The following TDG variants were observed in gnomAD, a reference collection of about 807,000 sequenced individuals.
TDG encodes the protein G/T mismatch-specific thymine DNA glycosylase.
Under a neutral mutation model 46.1 loss-of-function variants are expected in TDG, and 23 were observed. That is an observed-to-expected ratio of 0.50 (90% CI 0.36 to 0.71). The LOEUF (loss-of-function observed/expected upper bound fraction) is 0.71. Ranked by LOEUF, TDG falls within the 30% of genes least tolerant of loss-of-function variation. TDG has a pLI of 0.00. For missense variants in TDG, 304 were observed against 486.7 expected, an observed-to-expected ratio of 0.62 and a Z score of 3.53; for synonymous variants, 115 against 161.3, an observed-to-expected ratio of 0.71 and a Z score of 2.18.
chr12:103,981,120 A>T (rs1468007769), intron 4 of TDG, among the ~76,000 whole-genome samples, 158 bp downstream of exon 4: 1 of 151,494 alleles, frequency 6.6e-6, no homozygotes, highest in Non-Finnish European at 1.5e-5. Flanking sequence ...AAAATAAGAG[A>T]GTTTGAAATG....
At chr12:103,983,445 A>T in intron 7 of TDG, 56 bp downstream of exon 7, 1 of 1,325,170 alleles carries the variant, frequency 7.5e-7, no homozygotes, top group South Asian at 1.4e-5. Context: ...TTTTCTAGAT[A>T]ATTTCCTTAT....
At chr12:103,972,709 T>C (rs1180284782) in intron 1 of TDG, among the ~76,000 whole-genome samples, 1 of 152,230 alleles carries the variant, frequency 6.6e-6, no homozygotes, top group Non-Finnish European at 1.5e-5. Context: ...TTCATTATTA[T>C]AGATAAGTTT....
At chr12:103,969,060 G>T (rs1441051386) in intron 1 of TDG, among the ~76,000 whole-genome samples, 1 of 152,212 alleles carries the variant, frequency 6.6e-6, no homozygotes, top group African/African-American at 2.4e-5. Context: ...TACTAGACAG[G>T]CAGCATCAGA....
chr12:103,977,078 G>C lies in TDG; in HGVS notation c.166+18G>C. 1 of 1,588,930 alleles carries C rather than the reference G, an allele frequency of 6.3e-7. No individual in the cohort carries two copies. The highest frequency in any genetic ancestry group is 8.5e-7 in the Non-Finnish European group (1 of 1,171,030). ...AGTGCAAGGTAGTTTCACCATGAGA[G>C]CTTAGAAAGTTCAACATCGGATCAG... On this transcript the variant is annotated intron_variant, in intron 2 of 9. Coordinates refer to ENST00000392872, the MANE Select transcript of TDG (RefSeq NM_003211.6).
At chr12:103,972,325 G>A (rs1248451487) in intron 1 of TDG, among the ~76,000 whole-genome samples, 2 of 152,132 alleles carry the variant, frequency 1.3e-5, no homozygotes, top group African/African-American at 2.4e-5. Flanking sequence ...CACCATGTTG[G>A]CCAGGCCGGT....
chr12:103,968,520 CA>C (rs1237665089), intron 1 of TDG, among the ~76,000 whole-genome samples: 7 of 152,190 alleles, frequency 4.6e-5, no homozygotes, highest in Admixed American at 6.5e-5. Context: ...TTGGATTTTA[CA>C]TCTCCTATGT....
chr12:103,985,033 G>A (rs528255694), intron 8 of TDG, 113 bp downstream of exon 8: 6 of 680,250 alleles, frequency 8.8e-6, no homozygotes, highest in African/African-American at 8.2e-5. Context: ...ACATATGTGT[G>A]CACATATATG....
chr12:103,983,910 A>C (rs141080053), intron 7 of TDG, among the ~76,000 whole-genome samples: 2 of 152,308 alleles, frequency 1.3e-5, no homozygotes, highest in Middle Eastern at 3.4e-3. Flanking sequence ...GTGTTTTTCA[A>C]ATTGTCCTCT....
rs776180619 is a variant in TDG, at chr12:103,987,068, A to G, written c.1211A>G (p.Gln404Arg). ...SFSNHCGTQE[Q>R]EEESHA ...AGTAATCACTGTGGAACACAAGAACAGGAAGAAGAAAGCCATGCTTAAGAA... is the reference window on the plus strand; with the variant it reads ...AGTAATCACTGTGGAACACAAGAACGGGAAGAAGAAAGCCATGCTTAAGAA... Residue 404 changes from glutamine to arginine, a missense_variant, in exon 10 of 10, where the codon CAG becomes CGG. Physicochemically the swap from Gln to Arg is conservative, Grantham distance 43. Transcript: ENST00000392872. The G allele has an allele frequency of 4.3e-6, 7 of 1,613,916 alleles. No individual in the cohort carries two copies. In the African/African-American group the frequency reaches 5.3e-5, roughly 12 times the overall value.
intron 1 of TDG, among the ~76,000 whole-genome samples, chr12:103,968,631 A>G (rs1871164336): frequency 6.6e-6 from 1 of 152,212 alleles, no homozygotes; most frequent in Non-Finnish European, 1.5e-5. Context: ...CAGGTGTTCT[A>G]ACAGAATCAT....
chr12:103,972,981 C>T, intron 1 of TDG: 3 of 699,822 alleles, frequency 4.3e-6, no homozygotes, highest in Non-Finnish European at 7.8e-6. Context: ...ATGAAGTGCT[C>T]AAAATGGGAC....
intron 9 of TDG, among the ~76,000 whole-genome samples, chr12:103,986,058 T>A (rs1180313845): frequency 6.6e-6 from 1 of 152,116 alleles, no homozygotes; most frequent in African/African-American, 2.4e-5. Flanking sequence ...TAGCTGGGAC[T>A]ACAGGCATCC....
chr12:103,988,824 G>GA lies in TDG; in HGVS notation c.*1737dup, dbSNP rs1872351480. The GA allele has an allele frequency of 6.6e-6, 1 of 152,072 alleles. No homozygotes were observed. Among genetic ancestry groups the GA allele is most frequent in the Admixed American group, 6.5e-5 (1 of 15,272 alleles). The allele number at this position is 152,072 out of a possible 1,614,324, so 9.4% of individuals were successfully genotyped here. A position where few individuals can be genotyped will look rare whatever the true frequency, so the allele number is the denominator to read the frequency against. On this transcript the variant is annotated 3_prime_UTR_variant, in exon 10 of 10. Coordinates refer to ENST00000392872, the MANE Select transcript of TDG (RefSeq NM_003211.6). Reference sequence around the variant, plus strand: ...TATTGAAAGATTTTAAAATTCATTTGAAAGTCTGATGGCTTTTACAATAAA... The same window carrying GA: ...TATTGAAAGATTTTAAAATTCATTTGAAAAGTCTGATGGCTTTTACAATAAA...
At chr12:103,980,171 T>C (rs764283581) in intron 3 of TDG, 99 bp downstream of exon 3, 4 of 1,524,176 alleles carry the variant, frequency 2.6e-6, no homozygotes, top group Non-Finnish European at 3.6e-6. Flanking sequence ...AAAAGGACCA[T>C]TTCTAAGAAT....
At position 103,980,969 on chromosome 12, in the gene TDG, G is replaced by A; in HGVS notation, c.478+7G>A. 1 of 1,607,324 alleles carries A rather than the reference G, an allele frequency of 6.2e-7. No homozygotes were observed. Among genetic ancestry groups the A allele is most frequent in the Non-Finnish European group, 8.5e-7 (1 of 1,178,272 alleles). ...GGACCTGGAAACCATTTTTGTAAGT[G>A]GTTACCTTTTAAATTAATTTACTTT... On this transcript the variant is annotated splice_region_variant and intron_variant, in intron 4 of 9. Coordinates refer to ENST00000392872, the MANE Select transcript of TDG (RefSeq NM_003211.6).
chr12:103,974,659 A>G (rs4135078), intron 1 of TDG, among the ~76,000 whole-genome samples: 12,823 of 150,406 alleles, frequency 0.085, 838 homozygotes, highest in East Asian at 0.31. Context: ...ACTGATTAGT[A>G]TAGTATCTTG....
intron 4 of TDG, 127 bp downstream of exon 4, chr12:103,981,089 C>A: frequency 2.6e-6 from 2 of 760,402 alleles, no homozygotes; most frequent in South Asian, 1.8e-5. Context: ...GTTTCATGTT[C>A]TGTGTGTGTG....
Position 103,983,317 on chromosome 12 carries a change from A to G in TDG, c.720A>G (p.Lys240=). ...TAGGTATTTATGAAATTTTTAGTAA[A>G]GAAGTTTTTGGAGTAAAGGTTAAGA... is the stretch of plus-strand genomic sequence containing the variant. The part of the protein sequence containing the change: ...NGKCIYEIFS[K]EVFGVKVKNL... The change falls in exon 7 of 10, where the codon AAA becomes AAG. Residue 240 remains lysine, a synonymous_variant. Transcript: ENST00000392872. 1 of 1,595,142 alleles carries G rather than the reference A, an allele frequency of 6.3e-7. No homozygotes were observed. Among genetic ancestry groups the G allele is most frequent in the Non-Finnish European group, 8.5e-7 (1 of 1,174,064 alleles).
chr12:103,983,778 T>C (rs1398570721), intron 7 of TDG, among the ~76,000 whole-genome samples: 1 of 152,250 alleles, frequency 6.6e-6, no homozygotes, highest in Non-Finnish European at 1.5e-5. Flanking sequence ...TTGCCCCATT[T>C]ATATATCTTA....
Sources: allele counts gnomAD v4.1 joint callset (sites outside exome capture counted in the v4.1 genomes callset), GRCh38; gene constraint gnomAD v4.1.1; transcripts MANE v1.5; gene names NCBI Gene and HGNC (gene_info 2026-07-23, HGNC 2026-07-21).